FTO: variants seen among roughly 807,000 people sequenced by gnomAD.
The protein encoded by FTO is alpha-ketoglutarate-dependent dioxygenase FTO.
FTO carries 47 observed loss-of-function variants against 63.9 expected under a neutral mutation model. That is an observed-to-expected ratio of 0.74 (90% CI 0.58 to 0.94). The LOEUF is 0.94. Ranked by LOEUF, FTO falls within the 40% of genes least tolerant of loss-of-function variation. The pLI is 0.00. For synonymous variants in FTO, 207 were observed against 224.4 expected, an observed-to-expected ratio of 0.92 and a Z score of 0.69; for missense variants, 562 against 618.1, an observed-to-expected ratio of 0.91 and a Z score of 0.96.
intron 4 of FTO, among the ~76,000 whole-genome samples, chr16:53,853,021 G>A (rs1008130197): frequency 5.3e-5 from 8 of 152,166 alleles, no homozygotes; most frequent in Non-Finnish European, 1.2e-4. Flanking sequence ...GGCTAGGTGC[G>A]GTGGCTCACG....
intron 4 of FTO, among the ~76,000 whole-genome samples, chr16:53,870,212 A>AAAATAAAT (rs533024028): frequency 5.9e-5 from 9 of 152,026 alleles, no homozygotes; most frequent in Admixed American, 1.3e-4. Context: ...GTCTCCTGAG[A>AAAATAAAT]AAATAAATAA....
intron 8 of FTO, among the ~76,000 whole-genome samples, chr16:54,023,680 G>T (rs1450002603): frequency 1.3e-5 from 2 of 152,212 alleles, no homozygotes; most frequent in African/African-American, 4.8e-5. Context: ...CCCAAAGCAT[G>T]CTGGGGCACT....
In FTO at chr16:53,847,768, C is replaced by CA. The variant is rs758088459; in HGVS notation, c.895+3483dup. ...GGGCAAGAAGAGGGAAATTCCATCTCAAAAAAAAAAAAAGCGCTGTATTTT... is the reference window on the plus strand; with the variant it reads ...GGGCAAGAAGAGGGAAATTCCATCTCAAAAAAAAAAAAAAGCGCTGTATTTT... On this transcript the variant is annotated intron_variant, in intron 4 of 8. Transcript: ENST00000471389. 3.6e-3 allele frequency among the ~76,000 whole-genome samples: 403 copies of CA among 111,630 alleles called. 1 individual carries two copies. Among genetic ancestry groups the CA allele is most frequent in the South Asian group, 0.02 (71 of 3,576 alleles). The allele number at this position is 111,630 out of a possible 152,430, so 73.2% of individuals were successfully genotyped here. A position where few individuals can be genotyped will look rare whatever the true frequency, so the allele number is the denominator to read the frequency against.
intron 8 of FTO, among the ~76,000 whole-genome samples, chr16:53,990,196 G>A (rs2083775396): frequency 1.3e-5 from 2 of 152,162 alleles, no homozygotes; most frequent in African/African-American, 4.8e-5. Flanking sequence ...TGACCTCATA[G>A]TGTTATTGGA....
chr16:53,867,289 A>G (rs770121416), intron 4 of FTO, among the ~76,000 whole-genome samples: 4 of 151,040 alleles, frequency 2.6e-5, no homozygotes, highest in Non-Finnish European at 4.4e-5. Flanking sequence ...ATTTGTTGCT[A>G]GTAGACGTGT....
Position 54,109,523 on chromosome 16 carries a change from G to A in FTO, c.1365-2239G>A, listed in dbSNP as rs114727695. Reference sequence around the variant, plus strand: ...CTTTTGTGTTTTTTAGTAGAGACAGGGTTTCGCCACATTGCCCAGGCTGGT... The same window carrying A: ...CTTTTGTGTTTTTTAGTAGAGACAGAGTTTCGCCACATTGCCCAGGCTGGT... On this transcript the variant is annotated intron_variant, in intron 8 of 8. Coordinates refer to ENST00000471389, the MANE Select transcript of FTO (RefSeq NM_001080432.3). Among the ~76,000 whole-genome samples, 1,389 of 152,174 alleles carry A rather than the reference G, an allele frequency of 9.1e-3. 25 individuals carry two copies. Among genetic ancestry groups the A allele is most frequent in the African/African-American group, 0.032 (1,321 of 41,510 alleles).
intron 8 of FTO, among the ~76,000 whole-genome samples, chr16:54,085,316 T>C (rs1405122526): frequency 6.6e-6 from 1 of 152,238 alleles, no homozygotes; most frequent in Non-Finnish European, 1.5e-5. Context: ...TCTATAGTTA[T>C]CCATTTTTTC....
intron 8 of FTO, among the ~76,000 whole-genome samples, chr16:54,093,038 T>C (rs1036878508): frequency 1.3e-5 from 2 of 152,332 alleles, no homozygotes; most frequent in Non-Finnish European, 2.9e-5. Context: ...ACAAAATAAA[T>C]TAATGGTAGA....
At chr16:53,887,772 A>T (rs979163942) in intron 6 of FTO, 1 of 152,062 alleles carries the variant, frequency 6.6e-6, no homozygotes, top group Non-Finnish European at 1.5e-5. Context: ...TACTAATATG[A>T]TTGCTACTCT....
At chr16:53,730,768 A>G (rs1476217886) in intron 1 of FTO, among the ~76,000 whole-genome samples, 5 of 152,152 alleles carry the variant, frequency 3.3e-5, no homozygotes, top group East Asian at 1.9e-4. Context: ...AAGTGCTTGG[A>G]TTACAGGCAT....
chr16:53,766,252 G>T (rs2077197349), intron 1 of FTO, among the ~76,000 whole-genome samples: 2 of 152,072 alleles, frequency 1.3e-5, no homozygotes, highest in African/African-American at 4.8e-5. Context: ...TGGAGATGGG[G>T]TCTCACTCTG....
At chr16:53,961,914 T>C (rs893802382) in intron 8 of FTO, among the ~76,000 whole-genome samples, 2 of 152,098 alleles carry the variant, frequency 1.3e-5, no homozygotes, top group Non-Finnish European at 2.9e-5. Flanking sequence ...AATCCACAGC[T>C]CTAACTGGGA....
Position 53,846,071 on chromosome 16 carries a change from G to T in FTO, c.895+1773G>T, listed in dbSNP as rs545104540. Among the ~76,000 whole-genome samples, 37 of 152,076 alleles carry T rather than the reference G, an allele frequency of 2.4e-4. No individual in the cohort carries two copies. In the South Asian group the frequency reaches 7.7e-3, roughly 32 times the overall value. On this transcript the variant is annotated intron_variant, in intron 4 of 8. Transcript: ENST00000471389. ...ATGGCAGAGATTGTTCTTTTTTTAA[G>T]TGATCTTCCTAAAGTCACTTAGTTA...
rs1366599080 is a variant in FTO at position 53,933,996 on chromosome 16, G to A, written c.1251G>A (p.Val417=). Reference sequence around the variant, plus strand: ...ATCATTTCTTGTAGACAAATGCTGTGCTTCATGAAGTTAAAAGAGAGGGGC... The same window carrying A: ...ATCATTTCTTGTAGACAAATGCTGTACTTCATGAAGTTAAAAGAGAGGGGC... ...WKKMEGVTNA[V]LHEVKREGLP... Residue 417 remains valine (V), a synonymous_variant, in exon 8 of 9, where the codon GTG becomes GTA. Transcript: ENST00000471389. 1 of 1,613,634 alleles carries A rather than the reference G, an allele frequency of 6.2e-7. No homozygotes were observed. Among genetic ancestry groups the A allele is most frequent in the Non-Finnish European group, 8.5e-7 (1 of 1,179,834 alleles).
intron 7 of FTO, among the ~76,000 whole-genome samples, chr16:53,890,780 AT>A (rs1474339633): frequency 6.6e-6 from 1 of 152,144 alleles, no homozygotes; most frequent in African/African-American, 2.4e-5. Flanking sequence ...AGTACTCTCC[AT>A]TTTTATGGGC....
At chr16:53,906,629 T>G (rs1007025113) in intron 7 of FTO, among the ~76,000 whole-genome samples, 1 of 152,194 alleles carries the variant, frequency 6.6e-6, no homozygotes, top group African/African-American at 2.4e-5. Context: ...GTGAAGCATT[T>G]TGAGTTGATT....
chr16:53,825,319 A>G (rs2078974496), intron 2 of FTO, among the ~76,000 whole-genome samples: 1 of 152,196 alleles, frequency 6.6e-6, no homozygotes, highest in African/African-American at 2.4e-5. Context: ...GTTGGTGTCC[A>G]GGGGCTTTAA....
intron 6 of FTO, 60 bp downstream of exon 6, chr16:53,880,047 T>A: frequency 7.8e-7 from 1 of 1,285,406 alleles, no homozygotes; most frequent in South Asian, 1.2e-5. Flanking sequence ...CAGGCTGGAG[T>A]GCAGCGGCAT....
intron 1 of FTO, among the ~76,000 whole-genome samples, chr16:53,736,840 C>T (rs1195035682): frequency 1.3e-5 from 2 of 152,150 alleles, no homozygotes; most frequent in Non-Finnish European, 2.9e-5. Context: ...TCCATCTCCC[C>T]GCTACCAGCT....
Sources: gnomAD v4.1 joint callset for allele counts (sites outside exome capture counted in the v4.1 genomes callset) on GRCh38, gnomAD v4.1.1 for gene constraint, MANE v1.5 for transcripts, NCBI Gene and HGNC (gene_info 2026-07-23, HGNC 2026-07-21) for gene names.